Variants in PYGO1 observed in about 807,000 individuals in gnomAD.
The protein encoded by PYGO1 is pygopus family PHD finger 1.
Under a neutral mutation model 29.5 loss-of-function variants are expected in PYGO1, and 6 were observed. The ratio of observed to expected loss-of-function variants is 0.20; its 90% confidence interval spans 0.11 to 0.40. PYGO1 has a LOEUF of 0.40. PYGO1 is among the 10% of genes least tolerant of loss of function. PYGO1 has a pLI of 1.00. For synonymous variants in PYGO1, 186 were observed against 180.5 expected, an observed-to-expected ratio of 1.03 and a Z score of -0.24; for missense variants, 515 against 514.9, an observed-to-expected ratio of 1.00 and a Z score of 0.00.
chr15:55,569,778 G>A lies in PYGO1; in HGVS notation c.49+18057C>T, dbSNP rs1355100998. 2.0e-5 allele frequency among the ~76,000 whole-genome samples: 3 copies of A among 152,268 alleles called. No homozygotes were observed. The East Asian group carries it at 5.8e-4, about 29-fold the overall frequency. On this transcript the variant is annotated intron_variant, in intron 1 of 2. Coordinates refer to ENST00000563719, the MANE Select transcript of PYGO1 (RefSeq NM_001367806.1). ...AAGAATGTATATTCTGTGGTTGATG[G>A]ATGGTGGCTGTGCCTGCCATTGGGG...
intron 1 of PYGO1, among the ~76,000 whole-genome samples, chr15:55,573,198 T>C (rs1208155306): frequency 1.3e-5 from 2 of 151,748 alleles, no homozygotes; most frequent in Non-Finnish European, 2.9e-5. Context: ...CCCAGCTACT[T>C]AGGAGGCTGG....
At chr15:55,584,335 T>C (rs2059037905) in intron 1 of PYGO1, among the ~76,000 whole-genome samples, 1 of 152,128 alleles carries the variant, frequency 6.6e-6, no homozygotes, top group Non-Finnish European at 1.5e-5. Context: ...GTTCTTAAAC[T>C]CCTGGAGTCA....
Position 55,588,066 on chromosome 15 carries a change from T to TCGGGGCGG in PYGO1, c.-191_-184dup, listed in dbSNP as rs964840465. On this transcript the variant is annotated 5_prime_UTR_variant, in exon 1 of 3. Transcript: ENST00000563719. ...CAAAGTTTGGGAGGAGGACGAGGCCTCGGGGCGGCGGGGCGGCGGGGCGGC... is the reference window on the plus strand; with the variant it reads ...CAAAGTTTGGGAGGAGGACGAGGCCTCGGGGCGGCGGGGCGGCGGGGCGGCGGGGCGGC... 134 of 1,081,770 alleles carry TCGGGGCGG rather than the reference T, an allele frequency of 1.2e-4. No homozygotes were observed. The highest frequency in any genetic ancestry group is 9.7e-4 in the African/African-American group (57 of 58,960). The allele number at this position is 1,081,770 out of a possible 1,614,324, so 67.0% of individuals were successfully genotyped here.
rs2058847291 is a variant in PYGO1, at chr15:55,545,873, T to C, written c.*150A>G. ...GACAGCAAGCAAAGACAATAAAAAA[T>C]TTGCTCTAGTGATGAAGTGATTAAT... On this transcript the variant is annotated 3_prime_UTR_variant, in exon 3 of 3. Coordinates refer to ENST00000563719, the MANE Select transcript of PYGO1 (RefSeq NM_001367806.1). The C allele has an allele frequency of 1.4e-5, 11 of 791,834 alleles. 1 individual carries two copies. In the South Asian group the frequency reaches 2.7e-4, roughly 19 times the overall value. 49.1% of individuals were successfully genotyped at this position (791,834 alleles called of 1,614,324 possible). A position where few individuals can be genotyped will look rare whatever the true frequency, so the allele number is the denominator to read the frequency against.
At chr15:55,556,753 G>C (rs897202338) in intron 1 of PYGO1, among the ~76,000 whole-genome samples, 11 of 149,194 alleles carry the variant, frequency 7.4e-5, no homozygotes, top group Non-Finnish European at 1.3e-4. Context: ...CTGCTAGCTA[G>C]ACTAATAAAG....
intron 1 of PYGO1, among the ~76,000 whole-genome samples, chr15:55,564,131 A>G (rs1237911910): frequency 6.6e-6 from 1 of 152,256 alleles, no homozygotes; most frequent in Non-Finnish European, 1.5e-5. Flanking sequence ...CGTTTTTAGC[A>G]GTATTATTTG....
intron 1 of PYGO1, among the ~76,000 whole-genome samples, chr15:55,567,786 G>A (rs570278229): frequency 6.6e-6 from 1 of 152,222 alleles, no homozygotes; most frequent in South Asian, 2.1e-4. Flanking sequence ...ATGGTGATAG[G>A]TATGGGTCCA....
At chr15:55,588,488 C>T (rs1416100095), upstream of PYGO1, among the ~76,000 whole-genome samples, 1 of 146,830 alleles carries the variant, frequency 6.8e-6, no homozygotes. Flanking sequence ...TGCCTCGTCC[C>T]GCGGCGCCTC....
At chr15:55,553,089 G>A (rs1393582675) in intron 1 of PYGO1, among the ~76,000 whole-genome samples, 2 of 152,096 alleles carry the variant, frequency 1.3e-5, no homozygotes, top group African/African-American at 2.4e-5. Context: ...TGGACGAAGG[G>A]GAGTGCTCTA....
Position 55,543,021 on chromosome 15 carries a change from T to C in PYGO1, c.*3002A>G, listed in dbSNP as rs2058834564. Reference sequence around the variant, plus strand: ...TTTGGTGAGTAAACCTAGATGCTCATAGTTAGCCAGGTTGAATTTAAGCAA... The same window carrying C: ...TTTGGTGAGTAAACCTAGATGCTCACAGTTAGCCAGGTTGAATTTAAGCAA... On this transcript the variant is annotated 3_prime_UTR_variant, in exon 3 of 3. Transcript: ENST00000563719. The C allele has an allele frequency of 6.6e-6, 1 of 152,030 alleles. No homozygotes were observed. The highest frequency in any genetic ancestry group is 2.1e-4 in the South Asian group (1 of 4,824). The allele number at this position is 152,030 out of a possible 1,614,324, so 9.4% of individuals were successfully genotyped here. A position where few individuals can be genotyped will look rare whatever the true frequency, so the allele number is the denominator to read the frequency against.
At chr15:55,583,218 AAT>A in intron 1 of PYGO1, among the ~76,000 whole-genome samples, 1 of 152,084 alleles carries the variant, frequency 6.6e-6, no homozygotes, top group Non-Finnish European at 1.5e-5. Context: ...CAGCTACTGG[AAT>A]GATTGTATAG....
At chr15:55,576,916 T>A (rs1354654189) in intron 1 of PYGO1, among the ~76,000 whole-genome samples, 1 of 151,380 alleles carries the variant, frequency 6.6e-6, no homozygotes, top group Non-Finnish European at 1.5e-5. Context: ...AACCCCAAAA[T>A]CACTAAGCCA....
chr15:55,560,865 G>A (rs34242477), intron 1 of PYGO1, among the ~76,000 whole-genome samples: 1 of 152,138 alleles, frequency 6.6e-6, no homozygotes, highest in Non-Finnish European at 1.5e-5. Flanking sequence ...GGGAGGCTGA[G>A]GCAGCAGAAT....
Position 55,546,956 on chromosome 15 carries a change from G to A in PYGO1, c.327C>T (p.His109=), listed in dbSNP as rs766485938. 6.8e-6 allele frequency: 11 copies of A among 1,613,974 alleles called. No homozygotes were observed. The South Asian group carries it at 7.7e-5, about 11-fold the overall frequency. Residue 109 remains histidine, a synonymous_variant, in exon 3 of 3, where the codon CAC becomes CAT. Coordinates refer to ENST00000563719, the MANE Select transcript of PYGO1 (RefSeq NM_001367806.1). ...GGYSTFRMPP[H]VPPRMSSPYC... ...ATGGGGAAGACATTCTTGGGGGAACGTGAGGTGGCATTCTGAATGTACTAT... is the reference window on the plus strand; with the variant it reads ...ATGGGGAAGACATTCTTGGGGGAACATGAGGTGGCATTCTGAATGTACTAT...
intron 1 of PYGO1, among the ~76,000 whole-genome samples, chr15:55,585,930 GAC>G (rs2059044510): frequency 6.6e-6 from 1 of 152,096 alleles, no homozygotes; most frequent in South Asian, 2.1e-4. Flanking sequence ...AACAGAAAAA[GAC>G]AATTAAAATA....
chr15:55,548,501 A>G (rs1370227905), intron 2 of PYGO1, among the ~76,000 whole-genome samples: 1 of 151,610 alleles, frequency 6.6e-6, no homozygotes, highest in Admixed American at 6.6e-5. Context: ...AGGTCAAGAG[A>G]TTGAGACCAT....
rs147850726 is a variant in PYGO1, at chr15:55,563,273, G to A, written c.50-14278C>T. On this transcript the variant is annotated intron_variant, in intron 1 of 2. Coordinates refer to ENST00000563719, the MANE Select transcript of PYGO1 (RefSeq NM_001367806.1). Reference sequence around the variant, plus strand: ...AAAGAAAACAACCTAACTGAAAAACGGCCAAAGGTTTGTCTTTTTCCCCCC... The same window carrying A: ...AAAGAAAACAACCTAACTGAAAAACAGCCAAAGGTTTGTCTTTTTCCCCCC... Among the ~76,000 whole-genome samples the A allele has an allele frequency of 5.9e-4, 90 of 151,424 alleles. No homozygotes were observed. In the East Asian group the frequency reaches 0.013, roughly 22 times the overall value.
At chr15:55,578,981 T>G (rs1348507535) in intron 1 of PYGO1, among the ~76,000 whole-genome samples, 1 of 152,200 alleles carries the variant, frequency 6.6e-6, no homozygotes, top group East Asian at 1.9e-4. Flanking sequence ...AAGGCAAAAT[T>G]AGAAACTTCT....
At chr15:55,588,739 TTCG>T, upstream of PYGO1, 1 of 1,546,666 alleles carries the variant, frequency 6.5e-7, no homozygotes. Context: ...ATCTCCGAAC[TTCG>T]TCGGAGGCCA....
Sources: gnomAD v4.1 joint callset for allele counts (sites outside exome capture counted in the v4.1 genomes callset) on GRCh38, gnomAD v4.1.1 for gene constraint, MANE v1.5 for transcripts, NCBI Gene and HGNC (gene_info 2026-07-23, HGNC 2026-07-21) for gene names.